Variants in ARHGEF6 observed in about 807,000 individuals in gnomAD.
The protein encoded by ARHGEF6 is Rac/Cdc42 guanine nucleotide exchange factor 6.
Under a neutral mutation model 70.3 loss-of-function variants are expected in ARHGEF6, and 9 were observed. The observed-to-expected ratio is 0.13, with a 90% CI of 0.08 to 0.22. The LOEUF is 0.22. ARHGEF6 is among the 10% of genes least tolerant of loss of function. The probability of loss-of-function intolerance (pLI) is 1.00; values close to 1 mark genes in which losing one functional copy is unlikely to be tolerated. For synonymous variants in ARHGEF6, 201 were observed against 207.8 expected (o/e 0.97, Z 0.28); for missense variants, 470 against 563.0 (o/e 0.83, Z 1.67).
At position 136,679,480 on chromosome X, in the gene ARHGEF6, T is replaced by A. The variant is rs908674033; in HGVS notation, c.1830+55A>T. 6 of 1,172,871 alleles carry A rather than the reference T, an allele frequency of 5.1e-6. No homozygotes were observed. In the African/African-American group the frequency reaches 1.1e-4, roughly 21 times the overall value. ...CACATTCCCACAGAACTATTTGTAA[T>A]AAGCTACGAAATTAACTTGTCAGAA... is the stretch of plus-strand genomic sequence containing the variant. On this transcript the variant is annotated intron_variant, in intron 16 of 21. Coordinates refer to ENST00000250617, the MANE Select transcript of ARHGEF6 (RefSeq NM_004840.3).
In ARHGEF6 at chrX:136,745,320, C is replaced by G; in HGVS notation, c.362G>C (p.Arg121Pro). 8.3e-7 allele frequency: 1 copy of G among 1,211,171 alleles called. No individual in the cohort carries two copies. The highest frequency in any genetic ancestry group is 1.1e-6 in the Non-Finnish European group (1 of 895,025). Residue 121 changes from arginine (R) to proline (P), a missense_variant, in exon 4 of 22, where the codon CGT becomes CCT. By Grantham distance (103) the Arg-to-Pro change is moderately radical. Transcript: ENST00000250617. Reference sequence around the variant, plus strand: ...ATTAGCAGCACTAAGAGAAGAGGAACGTCCACATGGTCTTTCTGATAGCTG... The same window carrying G: ...ATTAGCAGCACTAAGAGAAGAGGAAGGTCCACATGGTCTTTCTGATAGCTG... ...EDQLSERPCG[R>P]SSSLSAANTS...
At chrX:136,692,889 A>G (rs1339943961) in intron 9 of ARHGEF6, among the ~76,000 whole-genome samples, 6 of 112,014 alleles carry the variant, frequency 5.4e-5, no homozygotes, top group Admixed American at 9.5e-5. Context: ...AAAAACTACC[A>G]GTACCTGTGG....
intron 2 of ARHGEF6, chrX:136,767,838 GAGCAGCAGCAGCAGCAGC>G (rs57856447): frequency 1.2e-5 from 8 of 660,434 alleles, no homozygotes; most frequent in Non-Finnish European, 1.1e-5. Context: ...GGCGCAGGCA[GAGCAGCAGCAGCAGCAGC>G]AGCAGCAGCA....
chrX:136,667,843 C>T lies in ARHGEF6; in HGVS notation c.*186G>A. ...CAATAACCAAACAACAGCAAATGCC[C>T]AAGCGCGCACGTGCACGCACACACA... On this transcript the variant is annotated 3_prime_UTR_variant, in exon 22 of 22. Coordinates refer to ENST00000250617, the MANE Select transcript of ARHGEF6 (RefSeq NM_004840.3). The T allele has an allele frequency of 1.8e-6, 1 of 540,773 alleles. No homozygotes were observed. The highest frequency in any genetic ancestry group is 2.9e-6 in the Non-Finnish European group (1 of 341,495). The allele number at this position is 540,773 out of a possible 1,213,427, so 44.6% of individuals were successfully genotyped here.
At chrX:136,732,513 T>C (rs887066137) in intron 5 of ARHGEF6, among the ~76,000 whole-genome samples, 1 of 112,506 alleles carries the variant, frequency 8.9e-6, no homozygotes, top group Non-Finnish European at 1.9e-5. Flanking sequence ...ACTAGCCAAA[T>C]GTATACAGAT....
At chrX:136,780,160 A>G (rs953820299) in intron 1 of ARHGEF6, among the ~76,000 whole-genome samples, 12 of 112,227 alleles carry the variant, frequency 1.1e-4, no homozygotes, top group African/African-American at 3.9e-4. Flanking sequence ...GAGTAAAGTT[A>G]GTTTCACTTT....
intron 4 of ARHGEF6, among the ~76,000 whole-genome samples, chrX:136,744,272 A>C (rs2077073625): frequency 3.6e-5 from 4 of 112,165 alleles, no homozygotes; most frequent in Admixed American, 2.8e-4. Flanking sequence ...ATATGCAAAG[A>C]TCAAATAACC....
At chrX:136,718,586 A>G (rs1309048438) in intron 6 of ARHGEF6, among the ~76,000 whole-genome samples, 1 of 111,894 alleles carries the variant, frequency 8.9e-6, no homozygotes, top group Non-Finnish European at 1.9e-5. Flanking sequence ...AAGAATGACA[A>G]TAACAATTAT....
chrX:136,691,267 G>C (rs2076455582), intron 9 of ARHGEF6, among the ~76,000 whole-genome samples: 1 of 112,014 alleles, frequency 8.9e-6, no homozygotes, highest in Admixed American at 9.4e-5. Context: ...ATCACTTCCT[G>C]CATTTAGATA....
At chrX:136,669,358 C>T (rs1039323922) in intron 21 of ARHGEF6, 124 bp downstream of exon 21, 13 of 600,386 alleles carry the variant, frequency 2.2e-5, no homozygotes, top group Non-Finnish European at 2.8e-5. Context: ...CTTGATGACA[C>T]AAGGAAAACA....
intron 2 of ARHGEF6, among the ~76,000 whole-genome samples, chrX:136,772,538 C>T (rs969027898): frequency 8.9e-6 from 1 of 112,091 alleles, no homozygotes; most frequent in Non-Finnish European, 1.9e-5. Flanking sequence ...GCTATGTACC[C>T]ACAAAAATTG....
chrX:136,717,656 T>C (rs2076750396), intron 6 of ARHGEF6, among the ~76,000 whole-genome samples: 1 of 112,040 alleles, frequency 8.9e-6, no homozygotes, highest in Non-Finnish European at 1.9e-5. Flanking sequence ...TGTGTGTGTA[T>C]ATACTAATGT....
chrX:136,728,245 C>T (rs2076891010), intron 6 of ARHGEF6, among the ~76,000 whole-genome samples: 1 of 111,240 alleles, frequency 9.0e-6, no homozygotes, highest in South Asian at 3.8e-4. Context: ...ACTGCCATGT[C>T]CCTCAAGGAT....
chrX:136,701,565 G>T (rs1442321950), intron 9 of ARHGEF6, among the ~76,000 whole-genome samples: 1 of 111,097 alleles, frequency 9.0e-6, no homozygotes, highest in East Asian at 2.8e-4. Flanking sequence ...CAGATGACTT[G>T]CCTTGCAAAA....
chrX:136,668,512 T>TTTCTTCTTCTTCTTC (rs546433801), intron 21 of ARHGEF6, among the ~76,000 whole-genome samples: 1 of 98,393 alleles, frequency 1.0e-5, no homozygotes, highest in African/African-American at 4.1e-5. Flanking sequence ...CAGCCTGGTA[T>TTTCTTCTTCTTCTTC]TTCTTCTTCT....
rs563413488 is a variant in ARHGEF6 at position 136,708,263 on chromosome X, T to C, written c.923+412A>G. On this transcript the variant is annotated intron_variant, in intron 8 of 21. Transcript: ENST00000250617. ...AGCATTAGGACAAATACCTAATGCA[T>C]GCAGGGCTTAAATCCTGGATGACGG... Among the ~76,000 whole-genome samples, 5 of 109,686 alleles carry C rather than the reference T, an allele frequency of 4.6e-5. No individual in the cohort carries two copies. In the South Asian group the frequency reaches 2.0e-3, roughly 44 times the overall value.
At chrX:136,727,347 TTCTTTCTTTC>T (rs2076868480) in intron 6 of ARHGEF6, among the ~76,000 whole-genome samples, 1 of 47,445 alleles carries the variant, frequency 2.1e-5, no homozygotes, top group Admixed American at 2.8e-4. Context: ...CTTTCTTTCT[TTCTTTCTTTC>T]TTTCTTTCTT....
chrX:136,745,197 G>A (rs374934628), intron 4 of ARHGEF6, 26 bp downstream of exon 4: 169 of 1,208,814 alleles, frequency 1.4e-4, no homozygotes, highest in Non-Finnish European at 1.7e-4. Flanking sequence ...TTTTAAAACA[G>A]ACGGAGAATT....
intron 7 of ARHGEF6, 31 bp from the exon 8 acceptor site, chrX:136,708,801 C>G: frequency 9.6e-7 from 1 of 1,041,558 alleles, no homozygotes; most frequent in Non-Finnish European, 1.3e-6. Context: ...ATGTAGTTAT[C>G]TATTGTAGTC....
Sources: gnomAD v4.1 joint callset for allele counts (sites outside exome capture counted in the v4.1 genomes callset) on GRCh38, gnomAD v4.1.1 for gene constraint, MANE v1.5 for transcripts, NCBI Gene and HGNC (gene_info 2026-07-23, HGNC 2026-07-21) for gene names.